The following BBX variants were observed in gnomAD, a reference collection of about 807,000 sequenced individuals.
The protein encoded by BBX is HMG box transcription factor BBX.
A neutral mutation model predicts 100.2 loss-of-function variants in BBX; 30 were observed. That is an observed-to-expected ratio of 0.30 (90% CI 0.22 to 0.41). The LOEUF is 0.41. Among genes scored for constraint, BBX ranks in the 10% least tolerant of loss-of-function variants. The pLI is 1.00. For missense variants in BBX, 1,023 were observed against 1,129.8 expected (o/e 0.91, Z 1.35); for synonymous variants, 376 against 388.1 (o/e 0.97, Z 0.37).
chr3:107,600,124 A>C (rs1576450980), intron 2 of BBX, among the ~76,000 whole-genome samples: 2 of 152,248 alleles, frequency 1.3e-5, no homozygotes, highest in African/African-American at 4.8e-5. Context: ...AAAACCATTG[A>C]TGCCTGACCT....
rs1180511106 is a variant in BBX, at chr3:107,584,036, TTA to T, written c.-84+57646_-84+57647del. Among the ~76,000 whole-genome samples, 8 of 46,924 alleles carry T rather than the reference TTA, an allele frequency of 1.7e-4. 1 individual carries two copies. Among genetic ancestry groups the T allele is most frequent in the South Asian group, 4.0e-4 (1 of 2,506 alleles). 30.8% of individuals were successfully genotyped at this position (46,924 alleles called of 152,430 possible). ...TTATACATATTATTATATATATTAA[TTA>T]TATATATTATATATATTATATATAT... On this transcript the variant is annotated intron_variant, in intron 2 of 17. Coordinates refer to ENST00000325805, the MANE Select transcript of BBX (RefSeq NM_001142568.3).
At chr3:107,543,867 T>C (rs1308445707) in intron 2 of BBX, among the ~76,000 whole-genome samples, 2 of 152,204 alleles carry the variant, frequency 1.3e-5, no homozygotes, top group African/African-American at 4.8e-5. Context: ...ACAGATTTAG[T>C]TGTGAAAGGG....
chr3:107,673,926 A>G (rs932990415), intron 3 of BBX, among the ~76,000 whole-genome samples: 2 of 152,168 alleles, frequency 1.3e-5, no homozygotes. Context: ...TGTCCTCGTG[A>G]CAGTCTTCAA....
chr3:107,632,431 T>C (rs947149026), intron 2 of BBX, among the ~76,000 whole-genome samples: 3 of 152,172 alleles, frequency 2.0e-5, no homozygotes, highest in Non-Finnish European at 2.9e-5. Context: ...TTTTTGAAAG[T>C]GTCTAGGTGT....
chr3:107,810,864 C>T lies in BBX; in HGVS notation c.*5407C>T, dbSNP rs1394325999. 1.3e-5 allele frequency: 2 copies of T among 152,124 alleles called. No individual in the cohort carries two copies. Among genetic ancestry groups the T allele is most frequent in the Non-Finnish European group, 2.9e-5 (2 of 68,034 alleles). The allele number at this position is 152,124 out of a possible 1,614,324, so 9.4% of individuals were successfully genotyped here. A position where few individuals can be genotyped will look rare whatever the true frequency, so the allele number is the denominator to read the frequency against. ...TAAATTAACCACAGCTTCATTTGAC[C>T]ACCAGGTCTAAAGTCTGTTGACAGT... On this transcript the variant is annotated 3_prime_UTR_variant, in exon 18 of 18. Coordinates refer to ENST00000325805, the MANE Select transcript of BBX (RefSeq NM_001142568.3).
intron 16 of BBX, 130 bp downstream of exon 16, chr3:107,798,850 A>AC: frequency 9.9e-7 from 1 of 1,007,540 alleles, no homozygotes. Flanking sequence ...AAAAAAAAAA[A>AC]CAAAAACAAA....
intron 2 of BBX, among the ~76,000 whole-genome samples, chr3:107,565,242 G>A (rs567125920): frequency 6.0e-5 from 9 of 150,696 alleles, no homozygotes; most frequent in South Asian, 4.2e-4. Flanking sequence ...TTTGTCTTAC[G>A]CAAAATCAAA....
Position 107,773,029 on chromosome 3 carries a change from G to A in BBX, c.1308G>A (p.Met436Ile). 1 of 1,613,942 alleles carries A rather than the reference G, an allele frequency of 6.2e-7. No individual in the cohort carries two copies. The highest frequency in any genetic ancestry group is 8.5e-7 in the Non-Finnish European group (1 of 1,179,980). ...ATATGTGCCATCCTCATGGAATTAT[G>A]ATCATTGAGGATCCCGCAGCATTAA... ...KDHMCHPHGI[M>I]IIEDPAALNK... is the part of the protein sequence containing the mutation. The change falls in exon 11 of 18, where the codon ATG becomes ATA. Residue 436 changes from methionine to isoleucine, a missense_variant. Physicochemically the swap from Met to Ile is conservative, Grantham distance 10. Transcript: ENST00000325805. This position sits in a 1 kb window ranked among gnomAD's most constrained non-coding sequence, Gnocchi z 4.1.
intron 2 of BBX, among the ~76,000 whole-genome samples, chr3:107,623,300 G>A (rs1033060206): frequency 1.3e-5 from 2 of 152,120 alleles, no homozygotes. Flanking sequence ...AGAGATGAAG[G>A]TTTCCCACTT....
rs1433740456 is a variant in BBX, at chr3:107,807,377, T to C, written c.*1920T>C. 1 of 152,190 alleles carries C rather than the reference T, an allele frequency of 6.6e-6. No individual in the cohort carries two copies. Among genetic ancestry groups the C allele is most frequent in the African/African-American group, 2.4e-5 (1 of 41,436 alleles). 9.4% of individuals were successfully genotyped at this position (152,190 alleles called of 1,614,324 possible). A position where few individuals can be genotyped will look rare whatever the true frequency, so the allele number is the denominator to read the frequency against. On this transcript the variant is annotated 3_prime_UTR_variant, in exon 18 of 18. Transcript: ENST00000325805. The stretch of plus-strand genomic sequence containing the variant: ...AGCAGTTCCAGACTTTTGCATAATA[T>C]TTTTACTATGATGCTGTTTTATTAA...
At chr3:107,711,254 T>C (rs570757989) in intron 4 of BBX, 73 of 463,918 alleles carry the variant, frequency 1.6e-4, no homozygotes, top group Non-Finnish European at 2.4e-4. Flanking sequence ...TGTATACTTA[T>C]TTATGTCTGT....
intron 6 of BBX, among the ~76,000 whole-genome samples, chr3:107,731,862 C>T (rs540782782): frequency 1.3e-5 from 2 of 152,172 alleles, no homozygotes; most frequent in East Asian, 3.9e-4. Flanking sequence ...TTTGACTGAT[C>T]CTCATTTTCA....
In BBX at chr3:107,556,341, G is replaced by C. The variant is rs142558776; in HGVS notation, c.-84+29943G>C. 7.0e-4 allele frequency among the ~76,000 whole-genome samples: 107 copies of C among 152,200 alleles called. 1 individual carries two copies. Among genetic ancestry groups the C allele is most frequent in the Middle Eastern group, 3.4e-3 (1 of 294 alleles). On this transcript the variant is annotated intron_variant, in intron 2 of 17. Transcript: ENST00000325805. Reference sequence around the variant, plus strand: ...TGGTTCATATTAGATTCATAATTTTGGTATGTGTGTATTTTGTTTATTTAA... The same window carrying C: ...TGGTTCATATTAGATTCATAATTTTCGTATGTGTGTATTTTGTTTATTTAA...
chr3:107,690,882 GC>G (rs33924823), intron 3 of BBX, among the ~76,000 whole-genome samples: 1,842 of 85,620 alleles, frequency 0.022, 192 homozygotes, highest in Middle Eastern at 0.032. Context: ...TCACTTTGAT[GC>G]CCCCCCCCCT....
At chr3:107,596,981 C>A (rs1051204722) in intron 2 of BBX, among the ~76,000 whole-genome samples, 2 of 152,126 alleles carry the variant, frequency 1.3e-5, no homozygotes, top group Non-Finnish European at 2.9e-5. Flanking sequence ...GGCCTTTAAA[C>A]TTTTTTACTC....
At chr3:107,762,674 G>C (rs1004206375) in intron 10 of BBX, among the ~76,000 whole-genome samples, 3 of 152,210 alleles carry the variant, frequency 2.0e-5, no homozygotes, top group Non-Finnish European at 2.9e-5. Flanking sequence ...CAGAGATTTG[G>C]AAATGGAAAC....
At chr3:107,574,659 A>G (rs1421821241) in intron 2 of BBX, among the ~76,000 whole-genome samples, 1 of 152,248 alleles carries the variant, frequency 6.6e-6, no homozygotes, top group Non-Finnish European at 1.5e-5. Context: ...CACCTTTTAC[A>G]TCACCATTAT....
chr3:107,725,721 A>AT (rs2062876096), intron 5 of BBX, among the ~76,000 whole-genome samples: 1 of 152,024 alleles, frequency 6.6e-6, no homozygotes. Flanking sequence ...ATGGTAGTGG[A>AT]TAGGGCCTGA....
intron 7 of BBX, among the ~76,000 whole-genome samples, chr3:107,737,884 GTTTTTTTTTTTTTTTTT>G (rs1156396951): frequency 1.4e-4 from 7 of 48,902 alleles, no homozygotes; most frequent in East Asian, 1.0e-3. Context: ...CAGAGTTCCA[GTTTTTTTTTTTTTTTTT>G]TTTTTTTTTT....
Sources: allele counts gnomAD v4.1 joint callset (sites outside exome capture counted in the v4.1 genomes callset), GRCh38; gene constraint gnomAD v4.1.1; non-coding constraint Gnocchi (gnomAD v3.1); transcripts MANE v1.5; gene names NCBI Gene and HGNC (gene_info 2026-07-23, HGNC 2026-07-21).